SRGAP2: variants seen among roughly 807,000 people sequenced by gnomAD.
The protein encoded by SRGAP2 is SLIT-ROBO Rho GTPase-activating protein 2.
In SRGAP2, 15 loss-of-function variants were observed where a neutral mutation model predicts 57.2. The observed-to-expected ratio is 0.26, with a 90% CI of 0.18 to 0.40. SRGAP2 has a LOEUF of 0.40. Ranked by LOEUF, SRGAP2 falls within the 10% of genes least tolerant of loss-of-function variation. The pLI is 1.00. For missense variants in SRGAP2, 520 were observed against 669.6 expected, an observed-to-expected ratio of 0.78 and a Z score of 2.47; for synonymous variants, 249 against 248.0, an observed-to-expected ratio of 1.00 and a Z score of -0.04.
At chr1:206,291,738 A>G (rs1671335035) in intron 2 of SRGAP2, among the ~76,000 whole-genome samples, 1 of 149,362 alleles carries the variant, frequency 6.7e-6, no homozygotes. Flanking sequence ...GTCTGCCTAT[A>G]ACTTTTGTGG....
chr1:206,381,142 A>C (rs1655671884), intron 4 of SRGAP2, among the ~76,000 whole-genome samples: 2 of 152,216 alleles, frequency 1.3e-5, no homozygotes, highest in African/African-American at 4.8e-5. Flanking sequence ...CTCCCAACTA[A>C]TCAGTACATG....
At chr1:206,446,377 A>T (rs1450828456) in intron 18 of SRGAP2, 78 bp downstream of exon 18, 1 of 750,944 alleles carries the variant, frequency 1.3e-6, no homozygotes, top group Non-Finnish European at 2.5e-6. Flanking sequence ...CCACACGAAA[A>T]CCAAAGGGAA....
chr1:206,452,654 C>T (rs1435022359), intron 19 of SRGAP2, among the ~76,000 whole-genome samples: 5 of 151,910 alleles, frequency 3.3e-5, no homozygotes, highest in Admixed American at 1.3e-4. Context: ...TTTGGGAGGC[C>T]GAGGCAGGCA....
chr1:206,230,633 T>G (rs1394794448), intron 2 of SRGAP2, among the ~76,000 whole-genome samples: 11 of 151,600 alleles, frequency 7.3e-5, no homozygotes, highest in Admixed American at 3.3e-4. Context: ...AGCTGTATTT[T>G]TTTTTTTTTT....
chr1:206,203,816 C>G, intron 1 of SRGAP2, 166 bp downstream of exon 1: 1 of 1,529,568 alleles, frequency 6.5e-7, no homozygotes, highest in Middle Eastern at 2.3e-4. Flanking sequence ...TCCACCCTCT[C>G]CAAATCTCCC....
At chr1:206,225,908 T>C (rs1369965233) in intron 2 of SRGAP2, among the ~76,000 whole-genome samples, 1 of 152,100 alleles carries the variant, frequency 6.6e-6, no homozygotes, top group Non-Finnish European at 1.5e-5. Context: ...GAAAGAAAAG[T>C]CAAGTCAAGC....
chr1:206,397,053 G>A (rs1256567370), intron 7 of SRGAP2, among the ~76,000 whole-genome samples: 2 of 152,164 alleles, frequency 1.3e-5, no homozygotes, highest in Non-Finnish European at 2.9e-5. Flanking sequence ...TTTGATAAGA[G>A]ATATCTTTCC....
chr1:206,356,874 G>GT (rs1277407523), intron 4 of SRGAP2, among the ~76,000 whole-genome samples: 2 of 143,436 alleles, frequency 1.4e-5, no homozygotes, highest in Non-Finnish European at 3.0e-5. Flanking sequence ...AGCCCTTGGG[G>GT]TTTTTTGTTT....
Position 206,464,193 on chromosome 1 carries a change from G to C in SRGAP2, c.*2773G>C, listed in dbSNP as rs1490407260. ...GATGCGCAGAGCACTGGAAGGGCTGGTGCAGATCTACTTCCCATGCAGAAG... is the reference window on the plus strand; with the variant it reads ...GATGCGCAGAGCACTGGAAGGGCTGCTGCAGATCTACTTCCCATGCAGAAG... On this transcript the variant is annotated 3_prime_UTR_variant, in exon 23 of 23. Transcript: ENST00000573034. The C allele has an allele frequency of 6.6e-6, 1 of 152,650 alleles. No individual in the cohort carries two copies. Among genetic ancestry groups the C allele is most frequent in the African/African-American group, 2.4e-5 (1 of 41,444 alleles). The allele number at this position is 152,650 out of a possible 1,614,324, so 9.5% of individuals were successfully genotyped here.
chr1:206,333,483 T>G (rs1157600498), intron 3 of SRGAP2: 10 of 1,498,520 alleles, frequency 6.7e-6, no homozygotes, highest in Non-Finnish European at 9.3e-6. Context: ...GGCGAAGGTC[T>G]CTGGTGCGGG....
At chr1:206,426,293 A>G (rs1273806061) in intron 13 of SRGAP2, among the ~76,000 whole-genome samples, 2 of 152,214 alleles carry the variant, frequency 1.3e-5, no homozygotes, top group African/African-American at 4.8e-5. Flanking sequence ...ATATTGCTGC[A>G]AGTGACAGAA....
At chr1:206,421,694 G>A (rs1428190924) in intron 13 of SRGAP2, among the ~76,000 whole-genome samples, 9 of 152,120 alleles carry the variant, frequency 5.9e-5, no homozygotes, top group African/African-American at 1.2e-4. Context: ...GATTGTTTCC[G>A]GTGGCGTAGT....
At chr1:206,380,370 G>C (rs1655586166) in intron 4 of SRGAP2, among the ~76,000 whole-genome samples, 1 of 150,280 alleles carries the variant, frequency 6.7e-6, no homozygotes, top group Non-Finnish European at 1.5e-5. Flanking sequence ...CCAAATGGTT[G>C]TGGTGAGTTT....
At chr1:206,359,927 C>T (rs1676770397) in intron 4 of SRGAP2, among the ~76,000 whole-genome samples, 1 of 148,644 alleles carries the variant, frequency 6.7e-6, no homozygotes, top group African/African-American at 2.5e-5. Flanking sequence ...CTGCCTCAGC[C>T]TCCCAAGTAG....
intron 1 of SRGAP2, 94 bp downstream of exon 1, chr1:206,203,744 G>A (rs1665551268): frequency 6.9e-6 from 10 of 1,439,642 alleles, no homozygotes; most frequent in Non-Finnish European, 9.3e-6. Context: ...AGGAGAGGGC[G>A]CGGATGCTGC....
chr1:206,327,357 T>C lies in SRGAP2; in HGVS notation c.261-15489T>C, dbSNP rs530062602. On this transcript the variant is annotated intron_variant, in intron 3 of 22. Transcript: ENST00000573034. Reference sequence around the variant, plus strand: ...AAAAAAAAAAAGAAGTGTTCCTATTTAGTATACTAATGAAGTAGGGAATTT... The same window carrying C: ...AAAAAAAAAAAGAAGTGTTCCTATTCAGTATACTAATGAAGTAGGGAATTT... 1.9e-3 allele frequency among the ~76,000 whole-genome samples: 289 copies of C among 151,716 alleles called. 2 individuals are homozygous for C. Among genetic ancestry groups the C allele is most frequent in the African/African-American group, 6.5e-3 (269 of 41,344 alleles).
At chr1:206,366,477 C>T (rs1293473573) in intron 4 of SRGAP2, among the ~76,000 whole-genome samples, 1 of 151,832 alleles carries the variant, frequency 6.6e-6, no homozygotes, top group Non-Finnish European at 1.5e-5. Flanking sequence ...ATGCCAGAGA[C>T]ACAGCTCAAT....
At chr1:206,239,538 A>T (rs1668080043) in intron 2 of SRGAP2, among the ~76,000 whole-genome samples, 1 of 151,942 alleles carries the variant, frequency 6.6e-6, no homozygotes, top group Admixed American at 6.6e-5. Flanking sequence ...GCTCACTGCA[A>T]CCTCCGCCTC....
intron 2 of SRGAP2, among the ~76,000 whole-genome samples, chr1:206,301,165 G>A: frequency 2.0e-5 from 3 of 152,218 alleles, no homozygotes; most frequent in Admixed American, 2.0e-4. Flanking sequence ...CCCAGTAGTT[G>A]GGACCACAGG....
Sources: gnomAD v4.1 joint callset for allele counts (sites outside exome capture counted in the v4.1 genomes callset) on GRCh38, gnomAD v4.1.1 for gene constraint, MANE v1.5 for transcripts, NCBI Gene and HGNC (gene_info 2026-07-23, HGNC 2026-07-21) for gene names.